Variants in KIDINS220 observed in about 807,000 individuals in gnomAD.
KIDINS220 encodes the protein kinase D interacting substrate 220.
KIDINS220 carries 63 observed loss-of-function variants against 157.6 expected under a neutral mutation model. That is an observed-to-expected ratio of 0.40 (90% CI 0.33 to 0.49). The LOEUF (loss-of-function observed/expected upper bound fraction) is 0.49. KIDINS220 is among the 20% of genes least tolerant of loss of function. The pLI is 0.66. For synonymous variants in KIDINS220, 732 were observed against 783.6 expected, an observed-to-expected ratio of 0.93 and a Z score of 1.10; for missense variants, 1,772 against 2,171.2, an observed-to-expected ratio of 0.82 and a Z score of 3.65.
At chr2:8,744,423 T>A (rs1666253816) in intron 26 of KIDINS220, among the ~76,000 whole-genome samples, 3 of 93,640 alleles carry the variant, frequency 3.2e-5, no homozygotes, top group African/African-American at 1.3e-4. Flanking sequence ...TATATATATA[T>A]ATATATATAT....
intron 27 of KIDINS220, 146 bp downstream of exon 27, chr2:8,736,722 T>G: frequency 1.2e-6 from 1 of 824,114 alleles, no homozygotes; most frequent in Non-Finnish European, 1.8e-6. Context: ...TACAAACTAG[T>G]AAGAATTATG....
intron 6 of KIDINS220, among the ~76,000 whole-genome samples, chr2:8,807,075 G>C (rs11885300): frequency 0.064 from 9,671 of 152,176 alleles, 980 homozygotes; most frequent in African/African-American, 0.21. Flanking sequence ...ATGGGTCTAC[G>C]TGTGTGATCC....
Position 8,780,440 on chromosome 2 carries a change from G to A in KIDINS220, c.2230-626C>T, listed in dbSNP as rs565553199. Among the ~76,000 whole-genome samples the A allele has an allele frequency of 3.3e-5, 5 of 151,986 alleles. No individual in the cohort carries two copies. The East Asian group carries it at 9.7e-4, about 29-fold the overall frequency. ...CTCAAAATAAATAAAAGGACTGCTG[G>A]TTTCTGGTTCTACATATATGTAAAC... On this transcript the variant is annotated intron_variant, in intron 17 of 29. Coordinates refer to ENST00000256707, the MANE Select transcript of KIDINS220 (RefSeq NM_020738.4).
rs199801392 is a variant in KIDINS220, at chr2:8,736,847, G to C, written c.3717+21C>G. On this transcript the variant is annotated intron_variant, in intron 27 of 29. Transcript: ENST00000256707. The stretch of plus-strand genomic sequence containing the variant: ...CCGCCCCCAGCGCTGTCTCTGGTCC[G>C]TGTGTAAGTGGCTGCCTCACCTTTT... 42 of 1,613,414 alleles carry C rather than the reference G, an allele frequency of 2.6e-5. No individual in the cohort carries two copies. The South Asian group carries it at 3.2e-4, about 12-fold the overall frequency.
chr2:8,731,477 G>T lies in KIDINS220; in HGVS notation c.4559C>A (p.Pro1520Gln), dbSNP rs1477494967. The change falls in exon 30 of 30, where the codon CCA (proline) becomes CAA (glutamine). Residue 1520 changes from proline (P) to glutamine (Q), a missense_variant. Transcript: ENST00000256707. This position sits in a 1 kb window ranked among gnomAD's most constrained non-coding sequence, Gnocchi z 5.2. ...TGTGCCAGATTCATCCTCGTCACTT[G>T]GGAGTTTTTGATAGCGCAGCCCACT... is the stretch of plus-strand genomic sequence containing the variant. Reference protein sequence around the residue: ...KGSGLRYQKLPSDEDESGTEE... With the variant: ...KGSGLRYQKLQSDEDESGTEE... 18 of 1,614,028 alleles carry T rather than the reference G, an allele frequency of 1.1e-5. No homozygotes were observed. Among genetic ancestry groups the T allele is most frequent in the Non-Finnish European group, 1.4e-5 (17 of 1,180,042 alleles).
chr2:8,744,394 TATATATA>T (rs1163308724), intron 26 of KIDINS220, among the ~76,000 whole-genome samples: 909 of 25,566 alleles, frequency 0.036, 22 homozygotes, highest in South Asian at 0.04. Context: ...AAAAAATATA[TATATATA>T]ATATATATAT....
At chr2:8,804,414 T>C (rs182769417) in intron 7 of KIDINS220, among the ~76,000 whole-genome samples, 13 of 152,354 alleles carry the variant, frequency 8.5e-5, no homozygotes, top group Non-Finnish European at 8.8e-5. Flanking sequence ...CATATTCTTA[T>C]AGGCTCAAGG....
Position 8,763,499 on chromosome 2 carries a change from G to A in KIDINS220, c.3011+7171C>T, listed in dbSNP as rs565432993. 3.9e-5 allele frequency among the ~76,000 whole-genome samples: 6 copies of A among 152,308 alleles called. No homozygotes were observed. The South Asian group carries it at 1.2e-3, about 32-fold the overall frequency. ...TAGGGATATGCAACCTGCATTAAAT[G>A]TGATAAGCTAGGTAAAGTGCTTAAT... is the stretch of plus-strand genomic sequence containing the variant. On this transcript the variant is annotated intron_variant, in intron 22 of 29. Transcript: ENST00000256707.
chr2:8,781,153 A>ATATATATATATAT (rs70946383), intron 17 of KIDINS220, among the ~76,000 whole-genome samples: 5 of 130,410 alleles, frequency 3.8e-5, no homozygotes, highest in Non-Finnish European at 6.4e-5. Context: ...ATATATATAT[A>ATATATATATATAT]ATATATATAT....
Position 8,730,448 on chromosome 2 carries a change from A to G in KIDINS220, c.*272T>C. 3.2e-6 allele frequency: 4 copies of G among 1,253,174 alleles called. No homozygotes were observed. The highest frequency in any genetic ancestry group is 3.3e-5 in the East Asian group (1 of 30,046). The allele number at this position is 1,253,174 out of a possible 1,614,324, so 77.6% of individuals were successfully genotyped here. On this transcript the variant is annotated 3_prime_UTR_variant, in exon 30 of 30. Coordinates refer to ENST00000256707, the MANE Select transcript of KIDINS220 (RefSeq NM_020738.4). Reference sequence around the variant, plus strand: ...TATACTCAGATCTCACCTCGTCTCAAAAAGTTTTATGGGGTAATGCGCCAA... The same window carrying G: ...TATACTCAGATCTCACCTCGTCTCAGAAAGTTTTATGGGGTAATGCGCCAA...
chr2:8,782,797 T>C (rs1671882812), intron 17 of KIDINS220, among the ~76,000 whole-genome samples: 1 of 152,180 alleles, frequency 6.6e-6, no homozygotes, highest in Non-Finnish European at 1.5e-5. Context: ...GAAAATCATA[T>C]GCAAAATGTA....
intron 26 of KIDINS220, among the ~76,000 whole-genome samples, chr2:8,745,990 GTTC>G (rs1440873445): frequency 2.0e-5 from 3 of 149,092 alleles, no homozygotes; most frequent in East Asian, 3.9e-4. Context: ...TACAAACTGG[GTTC>G]TTTTTTTTTT....
chr2:8,762,466 G>A (rs1026799018), intron 22 of KIDINS220, among the ~76,000 whole-genome samples: 17 of 152,110 alleles, frequency 1.1e-4, no homozygotes, highest in Admixed American at 2.0e-4. Flanking sequence ...GGCTGGGCAC[G>A]GTGGCTCATG....
intron 22 of KIDINS220, among the ~76,000 whole-genome samples, chr2:8,752,484 G>A (rs1004722129): frequency 1.3e-5 from 2 of 152,208 alleles, no homozygotes; most frequent in South Asian, 4.2e-4. Context: ...CATATGCTCG[G>A]GGTCACCTAA....
intron 6 of KIDINS220, among the ~76,000 whole-genome samples, chr2:8,807,196 C>T (rs76960585): frequency 6.6e-6 from 1 of 152,272 alleles, no homozygotes; most frequent in African/African-American, 2.4e-5. Context: ...TGGGACAAGA[C>T]CCATGAGCCC....
rs1325566673 is a variant in KIDINS220 at position 8,730,894 on chromosome 2, C to A, written c.5142G>T (p.Arg1714Ser). ...GIRETSQVIL[R>S]PSSSPNPTTI... is the part of the protein sequence containing the mutation. Reference sequence around the variant, plus strand: ...TGGTTGGGTTGGGACTGGAACTAGGCCTCAAAATGACTTGAGAAGTCTCCC... The same window carrying A: ...TGGTTGGGTTGGGACTGGAACTAGGACTCAAAATGACTTGAGAAGTCTCCC... Residue 1714 changes from arginine (R) to serine (S), a missense_variant, in exon 30 of 30, where the codon AGG becomes AGT. By Grantham distance (110) the Arg-to-Ser change is moderately radical. Coordinates refer to ENST00000256707, the MANE Select transcript of KIDINS220 (RefSeq NM_020738.4). 1 of 1,614,172 alleles carries A rather than the reference C, an allele frequency of 6.2e-7. No individual in the cohort carries two copies. The highest frequency in any genetic ancestry group is 8.5e-7 in the Non-Finnish European group (1 of 1,180,034).
In KIDINS220 at chr2:8,780,504, A is replaced by G. The variant is rs1671539656; in HGVS notation, c.2230-690T>C. ...CCACTCCTTGATTACGTAAGCTTATATATGTGTGTGTGTGTCTGTGTGTGT... is the reference window on the plus strand; with the variant it reads ...CCACTCCTTGATTACGTAAGCTTATGTATGTGTGTGTGTGTCTGTGTGTGT... On this transcript the variant is annotated intron_variant, in intron 17 of 29. Coordinates refer to ENST00000256707, the MANE Select transcript of KIDINS220 (RefSeq NM_020738.4). Among the ~76,000 whole-genome samples, 7 of 104,022 alleles carry G rather than the reference A, an allele frequency of 6.7e-5. No homozygotes were observed. The South Asian group carries it at 2.3e-3, about 33-fold the overall frequency. 68.2% of individuals were successfully genotyped at this position (104,022 alleles called of 152,430 possible). A position where few individuals can be genotyped will look rare whatever the true frequency, so the allele number is the denominator to read the frequency against.
intron 17 of KIDINS220, among the ~76,000 whole-genome samples, chr2:8,780,259 G>C (rs1231960855): frequency 2.0e-5 from 3 of 146,806 alleles, no homozygotes; most frequent in Non-Finnish European, 4.6e-5. Context: ...TTTAAAAACA[G>C]ATATCTTTAC....
At chr2:8,782,183 A>T (rs1016654566) in intron 17 of KIDINS220, among the ~76,000 whole-genome samples, 3 of 152,014 alleles carry the variant, frequency 2.0e-5, no homozygotes, top group African/African-American at 7.2e-5. Flanking sequence ...CTAGAAAAAG[A>T]GCAAATTAAA....
Sources: allele counts gnomAD v4.1 joint callset (sites outside exome capture counted in the v4.1 genomes callset), GRCh38; gene constraint gnomAD v4.1.1; non-coding constraint Gnocchi (gnomAD v3.1); transcripts MANE v1.5; gene names NCBI Gene and HGNC (gene_info 2026-07-23, HGNC 2026-07-21).